The following RAB7A variants were observed in gnomAD, a reference collection of about 807,000 sequenced individuals.
RAB7A encodes the protein ras-related protein Rab-7a.
A neutral mutation model predicts 24.5 loss-of-function variants in RAB7A; 2 were observed. That is an observed-to-expected ratio of 0.08 (90% CI 0.03 to 0.26). The LOEUF is 0.26. Ranked by LOEUF, RAB7A falls within the 10% of genes least tolerant of loss-of-function variation. RAB7A has a pLI of 1.00. For missense variants in RAB7A, 118 were observed against 255.7 expected, an observed-to-expected ratio of 0.46 and a Z score of 3.67; for synonymous variants, 100 against 95.9, an observed-to-expected ratio of 1.04 and a Z score of -0.25.
At position 128,740,419 on chromosome 3, in the gene RAB7A, G is replaced by T. The variant is rs73196998; in HGVS notation, c.-9+14060G>T. On this transcript the variant is annotated intron_variant, in intron 1 of 5. Coordinates refer to ENST00000265062, the MANE Select transcript of RAB7A (RefSeq NM_004637.6). ...CCTACTTATCTAATCATTTCCTTAA[G>T]ATTTAGTGAGTATACATACTTAAAA... 9.9e-3 allele frequency among the ~76,000 whole-genome samples: 1,503 copies of T among 152,274 alleles called. 15 individuals are homozygous for T. Among genetic ancestry groups the T allele is most frequent in the Middle Eastern group, 0.024 (7 of 294 alleles).
rs1169681357 is a variant in RAB7A at position 128,813,655 on chromosome 3, A to T, written c.*233A>T. 1.8e-6 allele frequency: 1 copy of T among 562,404 alleles called. No individual in the cohort carries two copies. Among genetic ancestry groups the T allele is most frequent in the African/African-American group, 1.9e-5 (1 of 53,492 alleles). The allele number at this position is 562,404 out of a possible 1,614,324, so 34.8% of individuals were successfully genotyped here. A position where few individuals can be genotyped will look rare whatever the true frequency, so the allele number is the denominator to read the frequency against. On this transcript the variant is annotated 3_prime_UTR_variant, in exon 6 of 6. Coordinates refer to ENST00000265062, the MANE Select transcript of RAB7A (RefSeq NM_004637.6). The stretch of plus-strand genomic sequence containing the variant: ...AATCAAACTCCAGCCCTTGCCCGTG[A>T]TGGCTCCTTGGGGTCTGCCTGCCCA...
intron 3 of RAB7A, among the ~76,000 whole-genome samples, chr3:128,800,871 C>T (rs1292445950): frequency 6.6e-6 from 1 of 152,108 alleles, no homozygotes; most frequent in East Asian, 1.9e-4. Context: ...AACAAGTTCC[C>T]AAGAGATTGA....
chr3:128,789,927 A>G (rs911510312), intron 1 of RAB7A, among the ~76,000 whole-genome samples: 2 of 151,846 alleles, frequency 1.3e-5, no homozygotes, highest in East Asian at 1.9e-4. Flanking sequence ...AGTAGCTGAG[A>G]TTACAAGCGC....
chr3:128,767,243 C>T (rs1341520097), intron 1 of RAB7A, among the ~76,000 whole-genome samples: 1 of 152,158 alleles, frequency 6.6e-6, no homozygotes, highest in African/African-American at 2.4e-5. Flanking sequence ...AAGAGGGATG[C>T]CCCTTCCAGG....
intron 1 of RAB7A, among the ~76,000 whole-genome samples, chr3:128,734,477 A>AG (rs2070470952): frequency 1.4e-5 from 2 of 147,170 alleles, no homozygotes; most frequent in South Asian, 2.1e-4. Context: ...AAAAAAAAAA[A>AG]GGAAAGAAAA....
intron 2 of RAB7A, among the ~76,000 whole-genome samples, chr3:128,795,750 G>GTTTT (rs1491091651): frequency 4.4e-4 from 3 of 6,876 alleles, no homozygotes; most frequent in Non-Finnish European, 8.3e-4. Flanking sequence ...TAGCAGATGT[G>GTTTT]CTTTTTTTTT....
At chr3:128,804,114 G>GACCTCCCTGGGCC (rs1553722981) in intron 3 of RAB7A, among the ~76,000 whole-genome samples, 10 of 146,878 alleles carry the variant, frequency 6.8e-5, no homozygotes, top group African/African-American at 2.6e-4. Context: ...ACCTCCCTGG[G>GACCTCCCTGGGCC]CCCCCCCCCG....
intron 1 of RAB7A, among the ~76,000 whole-genome samples, chr3:128,772,177 G>C (rs898299001): frequency 1.3e-5 from 2 of 152,174 alleles, no homozygotes; most frequent in Admixed American, 1.3e-4. Context: ...CCACAGGGAA[G>C]GATTATCAAG....
chr3:128,782,836 A>G (rs1933249582), intron 1 of RAB7A, among the ~76,000 whole-genome samples: 1 of 152,112 alleles, frequency 6.6e-6, no homozygotes, highest in Non-Finnish European at 1.5e-5. Context: ...GGTAACACTT[A>G]TTGTTGTTGC....
chr3:128,791,702 A>G (rs1933457362), intron 1 of RAB7A, among the ~76,000 whole-genome samples: 2 of 152,204 alleles, frequency 1.3e-5, no homozygotes, highest in South Asian at 4.1e-4. Context: ...TTCATGGAAC[A>G]CAGTGACTCT....
At chr3:128,780,964 G>C (rs1260297184) in intron 1 of RAB7A, among the ~76,000 whole-genome samples, 1 of 152,132 alleles carries the variant, frequency 6.6e-6, no homozygotes, top group African/African-American at 2.4e-5. Flanking sequence ...CTTCACAAAG[G>C]TCTCCATATC....
intron 1 of RAB7A, among the ~76,000 whole-genome samples, chr3:128,790,807 TA>T (rs1933438839): frequency 6.6e-6 from 1 of 152,236 alleles, no homozygotes; most frequent in Admixed American, 6.5e-5. Context: ...ATTTGTGTTT[TA>T]GGGGAAGGGA....
At chr3:128,774,520 G>A (rs965187533) in intron 1 of RAB7A, among the ~76,000 whole-genome samples, 15 of 151,900 alleles carry the variant, frequency 9.9e-5, no homozygotes, top group African/African-American at 3.6e-4. Context: ...GGAGTGCAAT[G>A]GAGCAATCTC....
At chr3:128,751,258 A>G (rs1054419521) in intron 1 of RAB7A, among the ~76,000 whole-genome samples, 12 of 152,186 alleles carry the variant, frequency 7.9e-5, no homozygotes, top group Non-Finnish European at 1.3e-4. Context: ...ACCCCAGAAT[A>G]GTAGATGCAC....
At chr3:128,804,388 C>T (rs1280934732) in intron 3 of RAB7A, among the ~76,000 whole-genome samples, 1 of 152,232 alleles carries the variant, frequency 6.6e-6, no homozygotes, top group Non-Finnish European at 1.5e-5. Flanking sequence ...TTTTGCAGTG[C>T]TAGCTCACTA....
intron 1 of RAB7A, among the ~76,000 whole-genome samples, chr3:128,757,479 A>T (rs2070739677): frequency 6.6e-6 from 1 of 151,894 alleles, no homozygotes; most frequent in African/African-American, 2.4e-5. Flanking sequence ...TGAATGTTTT[A>T]TATTTTATTT....
At chr3:128,798,959 A>AT (rs1933638270) in intron 3 of RAB7A, 2 of 197,148 alleles carry the variant, frequency 1.0e-5, no homozygotes, top group Non-Finnish European at 2.1e-5. Context: ...ATAGGAGTAG[A>AT]TTATCCTGTC....
At chr3:128,763,132 TC>T (rs2070788335) in intron 1 of RAB7A, among the ~76,000 whole-genome samples, 1 of 149,484 alleles carries the variant, frequency 6.7e-6, no homozygotes, top group African/African-American at 2.5e-5. Context: ...TATTTCTCTA[TC>T]CCCACTCTTT....
intron 4 of RAB7A, among the ~76,000 whole-genome samples, chr3:128,806,814 G>T (rs1180781247): frequency 6.6e-6 from 1 of 152,236 alleles, no homozygotes; most frequent in Non-Finnish European, 1.5e-5. Context: ...TTGGGCCATT[G>T]TCTTGGCTGT....
Sources: gnomAD v4.1 joint callset for allele counts (sites outside exome capture counted in the v4.1 genomes callset) on GRCh38, gnomAD v4.1.1 for gene constraint, MANE v1.5 for transcripts, NCBI Gene and HGNC (gene_info 2026-07-23, HGNC 2026-07-21) for gene names.